AK8: variants seen among roughly 807,000 people sequenced by gnomAD.
AK8 encodes adenylate kinase 8, also known as ATP-AMP transphosphorylase 8.
In AK8, 44 loss-of-function variants were observed where a neutral mutation model predicts 54.6. The observed-to-expected ratio is 0.81, with a 90% confidence interval of 0.63 to 1.04. AK8 has a LOEUF of 1.04. Ranked by LOEUF, AK8 falls within the 50% of genes least tolerant of loss-of-function variation. AK8 has a pLI of 0.00. For missense variants in AK8, 555 were observed against 613.6 expected, an observed-to-expected ratio of 0.90 and a Z score of 1.01; for synonymous variants, 239 against 245.6, an observed-to-expected ratio of 0.97 and a Z score of 0.25.
At chr9:132,855,571 G>A (rs1012656910) in intron 4 of AK8, among the ~76,000 whole-genome samples, 4 of 152,160 alleles carry the variant, frequency 2.6e-5, no homozygotes, top group Admixed American at 6.5e-5. Context: ...CTACAATAAG[G>A]ACTCCCCACC....
chr9:132,772,811 C>T (rs555014192), intron 11 of AK8, among the ~76,000 whole-genome samples: 1 of 152,290 alleles, frequency 6.6e-6, no homozygotes, highest in South Asian at 2.1e-4. Context: ...GTCCTACATC[C>T]AGTGTGATAG....
At chr9:132,811,555 G>T (rs1027487492) in intron 10 of AK8, among the ~76,000 whole-genome samples, 4 of 152,254 alleles carry the variant, frequency 2.6e-5, no homozygotes, top group African/African-American at 9.6e-5. Context: ...TGGATTTCAG[G>T]ACTTCTGACC....
chr9:132,823,484 G>A, intron 8 of AK8, 148 bp from the exon 9 acceptor site: 1 of 1,211,528 alleles, frequency 8.3e-7, no homozygotes, highest in Non-Finnish European at 1.2e-6. Flanking sequence ...CTGGCGAAGA[G>A]GCAGGGAAAA....
chr9:132,785,482 G>A (rs1436429476), intron 11 of AK8, among the ~76,000 whole-genome samples: 1 of 152,174 alleles, frequency 6.6e-6, no homozygotes, highest in Non-Finnish European at 1.5e-5. Context: ...TAATCAAGTC[G>A]TGTTGAAGAG....
chr9:132,752,200 A>G (rs1420721924), intron 11 of AK8, among the ~76,000 whole-genome samples: 3 of 151,170 alleles, frequency 2.0e-5, no homozygotes, highest in Non-Finnish European at 4.4e-5. Context: ...AAATGTCAAC[A>G]TTAGTTATCT....
chr9:132,825,656 C>T (rs559829112), intron 8 of AK8, among the ~76,000 whole-genome samples: 43 of 152,320 alleles, frequency 2.8e-4, no homozygotes, highest in African/African-American at 1.0e-3. Flanking sequence ...CGCCGGCAAA[C>T]ACCGCATCTC....
chr9:132,845,544 C>G (rs1304384024), intron 5 of AK8, among the ~76,000 whole-genome samples: 1 of 152,132 alleles, frequency 6.6e-6, no homozygotes, highest in Non-Finnish European at 1.5e-5. Context: ...AATCCCAGCA[C>G]TTTGGGAGGC....
chr9:132,876,307 C>T (rs1290757169), intron 1 of AK8, among the ~76,000 whole-genome samples: 1 of 152,174 alleles, frequency 6.6e-6, no homozygotes, highest in Admixed American at 6.5e-5. Context: ...AAATATTTTA[C>T]ATTTCATGTT....
intron 11 of AK8, among the ~76,000 whole-genome samples, chr9:132,729,440 G>A: frequency 6.6e-6 from 1 of 152,234 alleles, no homozygotes; most frequent in East Asian, 1.9e-4. Flanking sequence ...CTGGCTGGGA[G>A]AGGTGGGGCT....
At chr9:132,859,014 C>T (rs1843283134) in intron 4 of AK8, among the ~76,000 whole-genome samples, 1 of 152,174 alleles carries the variant, frequency 6.6e-6, no homozygotes, top group Non-Finnish European at 1.5e-5. Context: ...CTGCTCGACG[C>T]CACTGCCTGG....
At position 132,854,938 on chromosome 9, in the gene AK8, G is replaced by A. The variant is rs1318312321; in HGVS notation, c.334-13C>T. On this transcript the variant is annotated splice_polypyrimidine_tract_variant and intron_variant, in intron 4 of 12. Transcript: ENST00000298545. ...CGCTGGGAACTGTCTGAAGGAAAAA[G>A]GACACACAGAATGATGGCCCAAACC... 10 of 1,613,900 alleles carry A rather than the reference G, an allele frequency of 6.2e-6. No individual in the cohort carries two copies. The highest frequency in any genetic ancestry group is 8.5e-6 in the Non-Finnish European group (10 of 1,180,008).
chr9:132,875,087 G>C (rs1325072126), intron 2 of AK8, 28 bp downstream of exon 2: 1 of 1,613,408 alleles, frequency 6.2e-7, no homozygotes, highest in Admixed American at 1.7e-5. Flanking sequence ...GGAAGACGAG[G>C]AGGGGAAGAG....
intron 5 of AK8, among the ~76,000 whole-genome samples, chr9:132,852,675 C>T (rs1843011220): frequency 7.2e-6 from 1 of 139,178 alleles, no homozygotes; most frequent in Admixed American, 8.0e-5. Context: ...GAGGCTGAGG[C>T]ATGTGAATTG....
chr9:132,761,925 A>G (rs1419930684), intron 11 of AK8, among the ~76,000 whole-genome samples: 2 of 151,200 alleles, frequency 1.3e-5, no homozygotes, highest in Non-Finnish European at 2.9e-5. Flanking sequence ...GCTGGAGTGC[A>G]GTGGTGCAAT....
rs1028157856 is a variant in AK8, at chr9:132,826,360, T to C, written c.757+494A>G. Among the ~76,000 whole-genome samples the C allele has an allele frequency of 2.6e-5, 4 of 152,202 alleles. No homozygotes were observed. The South Asian group carries it at 6.2e-4, about 24-fold the overall frequency. ...CTGCTGTGAACATTGGCCATTGCTG[T>C]GGACAGCAACGCAGTGCCAGGCGCG... On this transcript the variant is annotated intron_variant, in intron 8 of 12. Transcript: ENST00000298545. This position sits in a 1 kb window ranked among gnomAD's most constrained non-coding sequence, Gnocchi z 4.5.
chr9:132,785,353 C>T (rs534428452), intron 11 of AK8, among the ~76,000 whole-genome samples: 7 of 152,306 alleles, frequency 4.6e-5, no homozygotes, highest in South Asian at 4.1e-4. Flanking sequence ...CCACCTGCCT[C>T]GGCCTCCCAA....
intron 5 of AK8, among the ~76,000 whole-genome samples, chr9:132,846,458 C>A (rs1285677390): frequency 6.6e-6 from 1 of 152,232 alleles, no homozygotes. Flanking sequence ...TTGTTCACTG[C>A]TTTGGTCCCT....
At chr9:132,750,277 C>T (rs1010562343) in intron 11 of AK8, among the ~76,000 whole-genome samples, 2 of 152,066 alleles carry the variant, frequency 1.3e-5, no homozygotes, top group South Asian at 2.1e-4. Flanking sequence ...TGCCACCACA[C>T]CCGGCTAATT....
chr9:132,848,973 A>T (rs1195772833), intron 5 of AK8, among the ~76,000 whole-genome samples: 4 of 135,892 alleles, frequency 2.9e-5, no homozygotes, highest in Non-Finnish European at 6.0e-5. Flanking sequence ...CAGTGGCGTG[A>T]TCTCGGCTCA....
Sources: allele counts gnomAD v4.1 joint callset (sites outside exome capture counted in the v4.1 genomes callset), GRCh38; gene constraint gnomAD v4.1.1; non-coding constraint Gnocchi (gnomAD v3.1); transcripts MANE v1.5; gene names NCBI Gene and HGNC (gene_info 2026-07-23, HGNC 2026-07-21).